NF1: variants seen among roughly 807,000 people sequenced by gnomAD.
The protein encoded by NF1 is neurofibromin 1.
In NF1, 122 loss-of-function variants were observed where a neutral mutation model predicts 325.7. The ratio of observed to expected loss-of-function variants is 0.37; its 90% confidence interval spans 0.32 to 0.44. The LOEUF (loss-of-function observed/expected upper bound fraction) is 0.44. Ranked by LOEUF, NF1 falls within the 20% of genes least tolerant of loss-of-function variation. The probability of loss-of-function intolerance (pLI) is 1.00; values close to 1 mark genes in which losing one functional copy is unlikely to be tolerated. For missense variants in NF1, 2,140 were observed against 3,415.4 expected (o/e 0.63, Z 9.31); for synonymous variants, 1,091 against 1,186.0 (o/e 0.92, Z 1.65).
intron 57 of NF1, among the ~76,000 whole-genome samples, chr17:31,364,230 G>A (rs1000750675): frequency 2.0e-5 from 3 of 152,164 alleles, no homozygotes; most frequent in African/African-American, 7.2e-5. Flanking sequence ...GTCATTCCCC[G>A]ATATGGAGCA....
In NF1 at chr17:31,098,095, TTATATA is replaced by T. The variant is rs977163279; in HGVS notation, c.60+2730_60+2735del. ...GTTTTCAGTGTTTAACATAAGGTAC[TTATATA>T]TATTATATATAGTATATATATAAAA... On this transcript the variant is annotated intron_variant, in intron 1 of 57. Transcript: ENST00000358273. Among the ~76,000 whole-genome samples, 189 of 148,276 alleles carry T rather than the reference TTATATA, an allele frequency of 1.3e-3. 1 individual carries two copies. The highest frequency in any genetic ancestry group is 4.3e-3 in the African/African-American group (176 of 40,924).
At chr17:31,202,042 A>G (rs2066539783) in intron 11 of NF1, among the ~76,000 whole-genome samples, 1 of 152,210 alleles carries the variant, frequency 6.6e-6, no homozygotes, top group Admixed American at 6.5e-5. Context: ...TATTAACAAG[A>G]TACAAAAGCA....
chr17:31,212,325 C>T (rs2066742942), intron 12 of NF1, among the ~76,000 whole-genome samples: 1 of 152,174 alleles, frequency 6.6e-6, no homozygotes, highest in Non-Finnish European at 1.5e-5. Flanking sequence ...GGTAACAATG[C>T]CTTCTTCTGG....
intron 36 of NF1, among the ~76,000 whole-genome samples, chr17:31,276,613 G>A (rs12945157): frequency 0.53 from 80,127 of 152,076 alleles, 25,101 homozygotes; most frequent in Middle Eastern, 0.75. Flanking sequence ...GTTTCACTTA[G>A]TGTGGATATT....
chr17:31,350,230 C>T lies in NF1; in HGVS notation c.7369C>T (p.His2457Tyr), dbSNP rs768404575. The T allele has an allele frequency of 3.7e-6, 6 of 1,613,886 alleles. No homozygotes were observed. The highest frequency in any genetic ancestry group is 3.4e-6 in the Non-Finnish European group (4 of 1,179,810). ...EEVRSRCSLK[H>Y]RKSLLLTDIS... The stretch of plus-strand genomic sequence containing the variant: ...AGTTCGAAGTCGCTGCAGCCTAAAA[C>T]ATAGAAAGTCACTTCTTCTTACTGA... Residue 2457 changes from histidine (H) to tyrosine (Y), a missense_variant, in exon 50 of 58, where the codon CAT (histidine) becomes TAT (tyrosine). Physicochemically the swap from His to Tyr is moderately conservative, Grantham distance 83. Coordinates refer to ENST00000358273, the MANE Select transcript of NF1 (RefSeq NM_001042492.3).
chr17:31,233,832 A>G (rs2067155246), intron 27 of NF1, among the ~76,000 whole-genome samples: 1 of 152,202 alleles, frequency 6.6e-6, no homozygotes, highest in Non-Finnish European at 1.5e-5. Flanking sequence ...ATAGTAAATT[A>G]TGACTAATAA....
At chr17:31,193,978 A>C (rs2066392362) in intron 8 of NF1, among the ~76,000 whole-genome samples, 1 of 152,180 alleles carries the variant, frequency 6.6e-6, no homozygotes, top group African/African-American at 2.4e-5. Flanking sequence ...GAACAGTGTG[A>C]AGGTTCCTCA....
At chr17:31,340,095 G>T (rs1268635590) in intron 46 of NF1, among the ~76,000 whole-genome samples, 1 of 152,208 alleles carries the variant, frequency 6.6e-6, no homozygotes, top group Non-Finnish European at 1.5e-5. Flanking sequence ...TTAGCTCCTG[G>T]TGGTAGTGTG....
chr17:31,266,934 C>CT (rs71142040), intron 36 of NF1, among the ~76,000 whole-genome samples: 59 of 143,664 alleles, frequency 4.1e-4, no homozygotes, highest in African/African-American at 1.0e-3. Flanking sequence ...GCTGCATAAT[C>CT]TTTTTTTTTT....
intron 57 of NF1, among the ~76,000 whole-genome samples, chr17:31,372,372 T>C (rs1012338171): frequency 1.3e-5 from 2 of 152,228 alleles, no homozygotes; most frequent in Non-Finnish European, 2.9e-5. Flanking sequence ...TAAAACGTTC[T>C]GCAGCTGTTT....
chr17:31,259,489 G>GT (rs1450668078), intron 33 of NF1, among the ~76,000 whole-genome samples: 1 of 151,992 alleles, frequency 6.6e-6, no homozygotes, highest in Non-Finnish European at 1.5e-5. Flanking sequence ...GTTTAATAAG[G>GT]TTTTTTTGAT....
At chr17:31,351,642 CT>C (rs1168805824) in intron 50 of NF1, among the ~76,000 whole-genome samples, 3 of 152,188 alleles carry the variant, frequency 2.0e-5, no homozygotes, top group Non-Finnish European at 2.9e-5. Flanking sequence ...TCTTGAACTC[CT>C]GACCTCAGGT....
In NF1 at chr17:31,356,487, T is replaced by C; in HGVS notation, c.7643T>C (p.Ile2548Thr). 2 of 1,613,738 alleles carry C rather than the reference T, an allele frequency of 1.2e-6. No homozygotes were observed. The highest frequency in any genetic ancestry group is 8.5e-7 in the Non-Finnish European group (1 of 1,179,746). The part of the protein sequence containing the change: ...LGTRKSFDHL[I>T]SDTKAPKRQE... ...ACAAGGAAAAGTTTTGATCACTTGA[T>C]ATCAGACACAAAGGCTCCTAAAAGG... The change falls in exon 52 of 58, where the codon ATA becomes ACA. Residue 2548 changes from isoleucine (I) to threonine (T), a missense_variant. Around this residue, in one of 10 missense-constraint regions of NF1, gnomAD observed 522 missense variants for 749.0 expected, o/e 0.70. Transcript: ENST00000358273.
chr17:31,306,329 A>G (rs1016643390), intron 36 of NF1, among the ~76,000 whole-genome samples: 2 of 150,964 alleles, frequency 1.3e-5, no homozygotes, highest in Admixed American at 6.6e-5. Flanking sequence ...CTGTACCTCC[A>G]GCCTACATCT....
chr17:31,273,847 G>T (rs754682334), intron 36 of NF1, among the ~76,000 whole-genome samples: 18 of 152,256 alleles, frequency 1.2e-4, no homozygotes, highest in East Asian at 1.9e-4. Flanking sequence ...AATAGCATTT[G>T]TTATTCCTCT....
In NF1 at chr17:31,338,723, A is replaced by G. The variant is rs773858629; in HGVS notation, c.6839A>G (p.Lys2280Arg). ...TAAAAGGCACTTGAGAGTTGCTTAA[A>G]AGGACCTGACACTTACAACAGTCAA... The part of the protein sequence containing the change: ...ILSKALESCL[K>R]GPDTYNSQVL... Residue 2280 changes from lysine to arginine, a missense_variant, in exon 46 of 58, where the codon AAA becomes AGA. Physicochemically the swap from Lys to Arg is conservative, Grantham distance 26. This residue lies in a region of NF1 where 522 missense variants were observed against 749.0 expected (regional missense o/e 0.70). Transcript: ENST00000358273. The G allele has an allele frequency of 3.1e-6, 5 of 1,613,250 alleles. No individual in the cohort carries two copies. The highest frequency in any genetic ancestry group is 4.2e-6 in the Non-Finnish European group (5 of 1,179,398).
chr17:31,224,083 CAAG>C (rs1212171045), intron 16 of NF1, among the ~76,000 whole-genome samples: 1 of 152,056 alleles, frequency 6.6e-6, no homozygotes, highest in Non-Finnish European at 1.5e-5. Flanking sequence ...AATTATCTAT[CAAG>C]AAGCAAAAGG....
intron 51 of NF1, among the ~76,000 whole-genome samples, chr17:31,353,551 G>A (rs1185200220): frequency 6.6e-6 from 1 of 152,118 alleles, no homozygotes; most frequent in Admixed American, 6.5e-5. Context: ...CCAGGAGGTG[G>A]GGGTAGCAGT....
In NF1 at chr17:31,196,841, C is replaced by T. The variant is rs145880722; in HGVS notation, c.889-3581C>T. 1.6e-4 allele frequency among the ~76,000 whole-genome samples: 25 copies of T among 152,204 alleles called. No homozygotes were observed. The East Asian group carries it at 4.8e-3, about 29-fold the overall frequency. On this transcript the variant is annotated intron_variant, in intron 8 of 57. Transcript: ENST00000358273. ...CTTAGCATCTTTGTCAAAAATTGGTCATATGTGTGAGGGTTTCTTTCTAGG... is the reference window on the plus strand; with the variant it reads ...CTTAGCATCTTTGTCAAAAATTGGTTATATGTGTGAGGGTTTCTTTCTAGG...
Sources: gnomAD v4.1 joint callset for allele counts (sites outside exome capture counted in the v4.1 genomes callset) on GRCh38, gnomAD v4.1.1 for gene constraint, gnomAD v4.1.1 regional missense constraint, MANE v1.5 for transcripts, NCBI Gene and HGNC (gene_info 2026-07-23, HGNC 2026-07-21) for gene names.